Variants in UPP2 observed in about 807,000 individuals in gnomAD.
UPP2 encodes the protein UPase 2.
UPP2 carries 23 observed loss-of-function variants against 26.7 expected under a neutral mutation model. The observed-to-expected ratio is 0.86, with a 90% confidence interval of 0.62 to 1.22. The LOEUF (loss-of-function observed/expected upper bound fraction) is 1.22, where lower values mean the gene tolerates loss of function less well. Ranked by LOEUF, UPP2 falls within the 50% of genes most tolerant of loss-of-function variation. The pLI is 0.00. For missense variants in UPP2, 387 were observed against 396.7 expected (o/e 0.98, Z 0.21); for synonymous variants, 127 against 141.3 (o/e 0.90, Z 0.72).
At chr2:158,134,520 G>A (rs1683891317) in intron 6 of UPP2, among the ~76,000 whole-genome samples, 1 of 152,200 alleles carries the variant, frequency 6.6e-6, no homozygotes, top group African/African-American at 2.4e-5. Context: ...AAAAGAGGAA[G>A]GAGGAGTGTT....
chr2:157,997,188 C>A (rs1331279946), intron 2 of UPP2, among the ~76,000 whole-genome samples: 1 of 152,072 alleles, frequency 6.6e-6, no homozygotes, highest in African/African-American at 2.4e-5. Flanking sequence ...GGGAGCTTAT[C>A]AAAAAATCAG....
chr2:158,012,263 CT>C (rs34807293), intron 2 of UPP2, among the ~76,000 whole-genome samples: 14,399 of 80,908 alleles, frequency 0.18, 332 homozygotes, highest in East Asian at 0.32. Flanking sequence ...TTGTTTCTAC[CT>C]TTTTTTTTTT....
intron 3 of UPP2, among the ~76,000 whole-genome samples, chr2:158,116,939 C>A (rs1339547975): frequency 1.3e-5 from 2 of 149,470 alleles, no homozygotes; most frequent in Non-Finnish European, 3.0e-5. Flanking sequence ...CATAGCTCAA[C>A]ATTCTTGATA....
chr2:158,014,492 A>G (rs1019933408), intron 2 of UPP2, among the ~76,000 whole-genome samples: 3 of 152,174 alleles, frequency 2.0e-5, no homozygotes, highest in Non-Finnish European at 4.4e-5. Flanking sequence ...ATAGCACTCC[A>G]TCTCTTATTA....
At chr2:158,095,185 G>A (rs974188720) in intron 3 of UPP2, among the ~76,000 whole-genome samples, 2 of 152,168 alleles carry the variant, frequency 1.3e-5, no homozygotes, top group Non-Finnish European at 2.9e-5. Context: ...TGAGTTAATC[G>A]TAAAGTGTGT....
At chr2:158,134,706 TGA>T in intron 6 of UPP2, 40 bp from the exon 7 acceptor site, 1 of 1,549,154 alleles carries the variant, frequency 6.5e-7, no homozygotes, top group Non-Finnish European at 8.7e-7. Context: ...ATAGAAAAGA[TGA>T]ACCCATTCAT....
intron 4 of UPP2, among the ~76,000 whole-genome samples, chr2:158,118,735 G>A (rs923436463): frequency 1.3e-5 from 2 of 152,040 alleles, no homozygotes; most frequent in African/African-American, 4.8e-5. Context: ...AAAAAGGGCT[G>A]AGATTTGGGA....
At chr2:158,026,445 T>C (rs1683833986) in intron 3 of UPP2, among the ~76,000 whole-genome samples, 1 of 152,154 alleles carries the variant, frequency 6.6e-6, no homozygotes, top group African/African-American at 2.4e-5. Flanking sequence ...TGACAGCATA[T>C]ACAGAGAGCA....
At chr2:158,077,535 A>G (rs1475433885) in intron 3 of UPP2, among the ~76,000 whole-genome samples, 1 of 152,126 alleles carries the variant, frequency 6.6e-6, no homozygotes, top group Non-Finnish European at 1.5e-5. Flanking sequence ...AAGAACGTAC[A>G]TTGATGACAA....
chr2:157,995,777 A>G (rs1390427160), intron 2 of UPP2, among the ~76,000 whole-genome samples: 1 of 152,056 alleles, frequency 6.6e-6, no homozygotes, highest in Non-Finnish European at 1.5e-5. Context: ...TGTAATCTGG[A>G]TTTTTTCCTA....
chr2:157,999,157 G>C (rs559131717), intron 2 of UPP2, among the ~76,000 whole-genome samples: 83 of 151,946 alleles, frequency 5.5e-4, no homozygotes, highest in Admixed American at 2.0e-3. Flanking sequence ...AGTTTGATTT[G>C]GGTCTTTTTG....
chr2:158,070,816 A>G (rs1398577332), intron 3 of UPP2, among the ~76,000 whole-genome samples: 1 of 152,216 alleles, frequency 6.6e-6, no homozygotes, highest in African/African-American at 2.4e-5. Flanking sequence ...CCTCTTCCCT[A>G]TTCCCCAGAG....
chr2:157,998,436 T>C (rs1683356305), intron 2 of UPP2, among the ~76,000 whole-genome samples: 1 of 152,236 alleles, frequency 6.6e-6, no homozygotes, highest in African/African-American at 2.4e-5. Flanking sequence ...GTGGGGGATG[T>C]TGCCCACTTA....
At chr2:158,117,779 T>A in intron 3 of UPP2, 45 bp from the exon 4 acceptor site, 2 of 1,397,100 alleles carry the variant, frequency 1.4e-6, no homozygotes, top group East Asian at 2.3e-5. Context: ...CCTGTTCATG[T>A]ATCACTTTGC....
chr2:158,066,678 A>G (rs1682441535), intron 3 of UPP2, among the ~76,000 whole-genome samples: 1 of 148,422 alleles, frequency 6.7e-6, no homozygotes, highest in African/African-American at 2.5e-5. Flanking sequence ...ATGTGTTTCA[A>G]TAAATCTTAC....
At chr2:158,019,865 G>A (rs1243363570) in intron 3 of UPP2, among the ~76,000 whole-genome samples, 2 of 152,050 alleles carry the variant, frequency 1.3e-5, no homozygotes, top group Admixed American at 1.3e-4. Flanking sequence ...TATCCTGAAG[G>A]TGGTTACGTA....
intron 3 of UPP2, among the ~76,000 whole-genome samples, chr2:158,034,476 A>G (rs753834051): frequency 1.1e-4 from 16 of 152,208 alleles, no homozygotes; most frequent in Non-Finnish European, 2.1e-4. Flanking sequence ...GCCTGGCTTG[A>G]TAATGGAGTG....
intron 3 of UPP2, among the ~76,000 whole-genome samples, chr2:158,061,944 C>T (rs1682358803): frequency 6.6e-6 from 1 of 152,190 alleles, no homozygotes; most frequent in African/African-American, 2.4e-5. Flanking sequence ...CTCCTCTATC[C>T]CAGCGACAGG....
chr2:158,097,906 A>G (rs1043582946), upstream of UPP2, among the ~76,000 whole-genome samples: 13 of 152,164 alleles, frequency 8.5e-5, no homozygotes, highest in Admixed American at 5.2e-4. Context: ...TCTTTTCTGT[A>G]TACATGGCCT....
Sources: allele counts gnomAD v4.1 joint callset (sites outside exome capture counted in the v4.1 genomes callset), GRCh38; gene constraint gnomAD v4.1.1; transcripts MANE v1.5; gene names NCBI Gene and HGNC (gene_info 2026-07-23, HGNC 2026-07-21).